TASP1: variants seen among roughly 807,000 people sequenced by gnomAD.
TASP1 encodes the protein taspase 1.
A neutral mutation model predicts 56.6 loss-of-function variants in TASP1; 16 were observed. The observed-to-expected ratio is 0.28, with a 90% CI of 0.19 to 0.43. TASP1 has a LOEUF of 0.43. Among genes scored for constraint, TASP1 ranks in the 20% least tolerant of loss-of-function variants. The pLI is 1.00. For missense variants in TASP1, 393 were observed against 511.6 expected, an observed-to-expected ratio of 0.77 and a Z score of 2.24; for synonymous variants, 179 against 184.2, an observed-to-expected ratio of 0.97 and a Z score of 0.23.
At chr20:13,341,079 C>T in the TASP1 span, among the ~76,000 whole-genome samples, 9 of 152,156 alleles carry the variant, frequency 5.9e-5, no homozygotes, top group Non-Finnish European at 1.2e-4. Context: ...CAGGAGCTGT[C>T]AGTTCTAAAG....
At chr20:13,533,392 T>C (rs2146891918) in intron 9 of TASP1, among the ~76,000 whole-genome samples, 1 of 152,252 alleles carries the variant, frequency 6.6e-6, no homozygotes, top group African/African-American at 2.4e-5. Context: ...TCATTCTCAG[T>C]ATAAAACTAA....
the TASP1 span, among the ~76,000 whole-genome samples, chr20:13,230,059 T>G: frequency 2.0e-5 from 3 of 152,212 alleles, no homozygotes; most frequent in Non-Finnish European, 4.4e-5. Context: ...TTTATTCACT[T>G]CTACTCATAG....
At chr20:13,573,072 C>T (rs1327079577) in intron 6 of TASP1, among the ~76,000 whole-genome samples, 1 of 152,060 alleles carries the variant, frequency 6.6e-6, no homozygotes, top group East Asian at 1.9e-4. Flanking sequence ...AAGATAACTT[C>T]GGTTATTGAT....
At chr20:13,617,891 C>T (rs758035397) in intron 4 of TASP1, among the ~76,000 whole-genome samples, 2 of 152,100 alleles carry the variant, frequency 1.3e-5, no homozygotes, top group Non-Finnish European at 2.9e-5. Context: ...CAGGAAGCCA[C>T]ACCATCTCCA....
intron 13 of TASP1, among the ~76,000 whole-genome samples, chr20:13,412,856 G>A (rs2042135382): frequency 6.6e-6 from 1 of 152,126 alleles, no homozygotes; most frequent in Admixed American, 6.5e-5. Context: ...GCAACAACAA[G>A]GACTTAATGG....
the TASP1 span, among the ~76,000 whole-genome samples, chr20:13,304,337 T>A: frequency 6.6e-6 from 1 of 152,036 alleles, no homozygotes. Flanking sequence ...AGGCTCTGGG[T>A]GGAATCAAAG....
chr20:13,203,017 G>T, the TASP1 span, among the ~76,000 whole-genome samples: 130 of 152,332 alleles, frequency 8.5e-4, no homozygotes, highest in Non-Finnish European at 1.7e-3. Flanking sequence ...TTTGTGGAAT[G>T]AGCTTCACTG....
At chr20:13,309,155 C>T in the TASP1 span, among the ~76,000 whole-genome samples, 119 of 152,214 alleles carry the variant, frequency 7.8e-4, no homozygotes, top group African/African-American at 2.7e-3. Context: ...TGGACACCAA[C>T]ATACATAATA....
chr20:13,453,921 A>G (rs73901178), intron 11 of TASP1, among the ~76,000 whole-genome samples: 4,948 of 152,124 alleles, frequency 0.033, 261 homozygotes, highest in African/African-American at 0.11. Context: ...AGCAGGTGGT[A>G]TTTCAATTCT....
At chr20:13,440,812 C>T (rs1457207914) in intron 11 of TASP1, among the ~76,000 whole-genome samples, 2 of 152,130 alleles carry the variant, frequency 1.3e-5, no homozygotes, top group African/African-American at 2.4e-5. Context: ...TGACTTGCTA[C>T]AGCCATGCTA....
the TASP1 span, among the ~76,000 whole-genome samples, chr20:13,188,799 T>C: frequency 6.6e-6 from 1 of 152,178 alleles, no homozygotes; most frequent in East Asian, 1.9e-4. Flanking sequence ...AAAGACTCCA[T>C]ACTTCTGCAT....
chr20:13,409,451 A>G (rs2042024974), intron 13 of TASP1, among the ~76,000 whole-genome samples: 1 of 151,938 alleles, frequency 6.6e-6, no homozygotes, highest in Non-Finnish European at 1.5e-5. Flanking sequence ...TACCTTTTTA[A>G]TTGAATGGAC....
At chr20:13,426,537 TA>T (rs753835480) in intron 12 of TASP1, among the ~76,000 whole-genome samples, 228 of 152,284 alleles carry the variant, frequency 1.5e-3, no homozygotes, top group Non-Finnish European at 1.0e-3. Flanking sequence ...ATATTAGTGA[TA>T]CAATATATAG....
chr20:13,246,883 CT>C, the TASP1 span, among the ~76,000 whole-genome samples: 31 of 149,534 alleles, frequency 2.1e-4, no homozygotes, highest in Middle Eastern at 3.5e-3. Context: ...ATCCTTCTCT[CT>C]TTTTTTTTTA....
the TASP1 span, chr20:13,239,644 T>C: frequency 1.3e-5 from 2 of 152,178 alleles, no homozygotes; most frequent in African/African-American, 4.8e-5. Context: ...GACCGGGGCT[T>C]CATCTGTGCT....
At chr20:13,308,918 G>A in the TASP1 span, among the ~76,000 whole-genome samples, 1 of 152,010 alleles carries the variant, frequency 6.6e-6, no homozygotes, top group Non-Finnish European at 1.5e-5. Context: ...AAAATGAGAG[G>A]TCAGCAGTCT....
chr20:13,376,520 C>G, the TASP1 span, among the ~76,000 whole-genome samples: 2 of 152,144 alleles, frequency 1.3e-5, no homozygotes, highest in African/African-American at 4.8e-5. Flanking sequence ...ATGCCTCCAG[C>G]TTTGTTCTTT....
chr20:13,152,929 G>C, the TASP1 span, among the ~76,000 whole-genome samples: 3 of 152,178 alleles, frequency 2.0e-5, no homozygotes, highest in Non-Finnish European at 4.4e-5. Context: ...AAACACCCAT[G>C]AGTGATGTTC....
intron 13 of TASP1, among the ~76,000 whole-genome samples, chr20:13,399,480 C>G (rs928940472): frequency 3.3e-4 from 51 of 152,276 alleles, no homozygotes; most frequent in African/African-American, 9.9e-4. Flanking sequence ...CTTCCTCACC[C>G]TAGTAAATGG....
Sources: gnomAD v4.1 joint callset for allele counts (sites outside exome capture counted in the v4.1 genomes callset) on GRCh38, gnomAD v4.1.1 for gene constraint, MANE v1.5 for transcripts, NCBI Gene and HGNC (gene_info 2026-07-23, HGNC 2026-07-21) for gene names.